Variants in CDH4 observed in about 807,000 individuals in gnomAD.
CDH4 encodes cadherin 4.
A neutral mutation model predicts 86.0 loss-of-function variants in CDH4; 33 were observed. The observed-to-expected ratio is 0.38, with a 90% CI of 0.29 to 0.51. The LOEUF (loss-of-function observed/expected upper bound fraction) is 0.51. Ranked by LOEUF, CDH4 falls within the 20% of genes least tolerant of loss-of-function variation. CDH4 has a pLI of 0.86. For missense variants in CDH4, 1,114 were observed against 1,307.4 expected (o/e 0.85, Z 2.28); for synonymous variants, 555 against 549.4 (o/e 1.01, Z -0.14).
intron 2 of CDH4, among the ~76,000 whole-genome samples, chr20:61,560,593 G>A (rs998789914): frequency 1.2e-4 from 19 of 152,112 alleles, no homozygotes; most frequent in Admixed American, 4.6e-4. Flanking sequence ...GCACTCCAGC[G>A]CCTTCATGTG....
intron 2 of CDH4, among the ~76,000 whole-genome samples, chr20:61,271,636 C>A (rs887951258): frequency 6.6e-6 from 1 of 152,224 alleles, no homozygotes; most frequent in Non-Finnish European, 1.5e-5. Flanking sequence ...TCTCCCCCGG[C>A]CTCTTCTTAC....
chr20:61,605,173 T>C (rs1184456989), intron 2 of CDH4, among the ~76,000 whole-genome samples: 2 of 152,112 alleles, frequency 1.3e-5, no homozygotes, highest in Non-Finnish European at 2.9e-5. Flanking sequence ...TGCCTGCCAC[T>C]GGGCACAGGT....
At chr20:61,298,634 A>C (rs920631761) in intron 2 of CDH4, among the ~76,000 whole-genome samples, 1 of 150,854 alleles carries the variant, frequency 6.6e-6, no homozygotes, top group African/African-American at 2.4e-5. Flanking sequence ...TTTTTTTCTG[A>C]GACACACTCT....
intron 2 of CDH4, among the ~76,000 whole-genome samples, chr20:61,727,873 A>T (rs895255281): frequency 3.3e-5 from 5 of 152,060 alleles, no homozygotes; most frequent in Non-Finnish European, 5.9e-5. Context: ...AACCCTGGGG[A>T]TCCAATTTCC....
chr20:61,329,349 C>CCCACGGG (rs1568799915), intron 2 of CDH4, among the ~76,000 whole-genome samples: 23 of 150,924 alleles, frequency 1.5e-4, no homozygotes, highest in East Asian at 9.8e-4. Flanking sequence ...TCATGGTTCC[C>CCCACGGG]TCGTGGGTCT....
chr20:61,565,221 T>TGATGGGG (rs1414076004), intron 2 of CDH4, among the ~76,000 whole-genome samples: 1 of 40,546 alleles, frequency 2.5e-5, no homozygotes, highest in Non-Finnish European at 4.9e-5. Context: ...CTCTCGGTGG[T>TGATGGGG]AGGTGGTGGT....
At chr20:61,307,764 C>T (rs2084425017) in intron 2 of CDH4, among the ~76,000 whole-genome samples, 1 of 152,172 alleles carries the variant, frequency 6.6e-6, no homozygotes, top group South Asian at 2.1e-4. Context: ...TGGTGTCCTG[C>T]AGGGCTGGAC....
At chr20:61,334,743 C>T (rs1220629515) in intron 2 of CDH4, among the ~76,000 whole-genome samples, 1 of 152,212 alleles carries the variant, frequency 6.6e-6, no homozygotes, top group Non-Finnish European at 1.5e-5. Context: ...TGCAGGGCCT[C>T]CGTCTGTAGC....
chr20:61,545,076 C>T (rs578051168), intron 2 of CDH4, among the ~76,000 whole-genome samples: 49 of 152,290 alleles, frequency 3.2e-4, no homozygotes, highest in Middle Eastern at 3.4e-3. Flanking sequence ...GTGGGTCTGA[C>T]GCGGAGACAG....
chr20:61,355,126 G>A (rs1405587765), intron 2 of CDH4, among the ~76,000 whole-genome samples: 1 of 152,148 alleles, frequency 6.6e-6, no homozygotes, highest in African/African-American at 2.4e-5. Flanking sequence ...GGAGAAAAAC[G>A]CACCGTTAAG....
chr20:61,905,749 C>A (rs1481680535), intron 8 of CDH4, among the ~76,000 whole-genome samples: 1 of 152,172 alleles, frequency 6.6e-6, no homozygotes. Flanking sequence ...AGGTCACTTA[C>A]CTGGTTGTGG....
In CDH4 at chr20:61,501,759, C is replaced by T. The variant is rs2085702936; in HGVS notation, c.170-241804C>T. Reference sequence around the variant, plus strand: ...CTGCCTCCACCATTCGTTAGGGAGCCACTCATTATGGGACGGACCACCAGA... The same window carrying T: ...CTGCCTCCACCATTCGTTAGGGAGCTACTCATTATGGGACGGACCACCAGA... On this transcript the variant is annotated intron_variant, in intron 2 of 15. Transcript: ENST00000614565. This position sits in a 1 kb window ranked among gnomAD's most constrained non-coding sequence, Gnocchi z 4.2. 6.6e-6 allele frequency among the ~76,000 whole-genome samples: 1 copy of T among 152,136 alleles called. No individual in the cohort carries two copies. The highest frequency in any genetic ancestry group is 2.1e-4 in the South Asian group (1 of 4,816).
chr20:61,637,774 A>G (rs2024712), intron 2 of CDH4, among the ~76,000 whole-genome samples: 94,251 of 151,758 alleles, frequency 0.62, 29,743 homozygotes, highest in African/African-American at 0.73. Context: ...TAATCCCAGC[A>G]CTTTGGGAGG....
At chr20:61,487,670 A>C (rs953690775) in intron 2 of CDH4, among the ~76,000 whole-genome samples, 5 of 152,218 alleles carry the variant, frequency 3.3e-5, no homozygotes, top group Non-Finnish European at 5.9e-5. Flanking sequence ...TCAGCAGGTT[A>C]ATTTGTACTA....
chr20:61,373,904 C>T (rs929124679), intron 2 of CDH4, among the ~76,000 whole-genome samples: 1 of 152,186 alleles, frequency 6.6e-6, no homozygotes, highest in African/African-American at 2.4e-5. Context: ...TCACATTAAA[C>T]ATATGGATAC....
intron 4 of CDH4, among the ~76,000 whole-genome samples, chr20:61,776,498 A>C (rs942878174): frequency 6.6e-6 from 1 of 152,188 alleles, no homozygotes; most frequent in East Asian, 1.9e-4. Flanking sequence ...TGGCTTTGCT[A>C]TGGTTTGGAA....
At chr20:61,356,150 C>T (rs535814219) in intron 2 of CDH4, among the ~76,000 whole-genome samples, 1 of 152,290 alleles carries the variant, frequency 6.6e-6, no homozygotes, top group South Asian at 2.1e-4. Context: ...GGCAATGTGC[C>T]AGTGCTTTTC....
rs866797981 is a variant in CDH4 at position 61,417,763 on chromosome 20, C to A, written c.169+162826C>A. On this transcript the variant is annotated intron_variant, in intron 2 of 15. Transcript: ENST00000614565. This position sits in a 1 kb window ranked among gnomAD's most constrained non-coding sequence, Gnocchi z 4.0. ...AGTGGGCACAGGAGCCTTGACCTGA[C>A]AAGGTCCTCGAGGCCAGGCGAGGTC... Among the ~76,000 whole-genome samples the A allele has an allele frequency of 2.3e-4, 35 of 152,208 alleles. No individual in the cohort carries two copies. The highest frequency in any genetic ancestry group is 1.0e-3 in the South Asian group (5 of 4,816).
intron 2 of CDH4, among the ~76,000 whole-genome samples, chr20:61,612,558 C>G (rs1298676260): frequency 6.6e-6 from 1 of 152,112 alleles, no homozygotes; most frequent in Non-Finnish European, 1.5e-5. Context: ...TCCACATGGT[C>G]ACTTTTCCAT....
Sources: gnomAD v4.1 joint callset for allele counts (sites outside exome capture counted in the v4.1 genomes callset) on GRCh38, gnomAD v4.1.1 for gene constraint, Gnocchi (gnomAD v3.1) non-coding constraint, MANE v1.5 for transcripts, NCBI Gene and HGNC (gene_info 2026-07-23, HGNC 2026-07-21) for gene names.